The following DNAH14 variants were observed in gnomAD, a reference collection of about 807,000 sequenced individuals.
The protein encoded by DNAH14 is dynein axonemal heavy chain 14, also known as axonemal beta dynein heavy chain 14.
Under a neutral mutation model 520.9 loss-of-function variants are expected in DNAH14, and 478 were observed. The observed-to-expected ratio is 0.92, with a 90% CI of 0.85 to 0.99. The LOEUF (loss-of-function observed/expected upper bound fraction) is 0.99. Ranked by LOEUF, DNAH14 falls within the 50% of genes least tolerant of loss-of-function variation. DNAH14 has a pLI of 0.00. For synonymous variants in DNAH14, 1,581 were observed against 1,757.2 expected (o/e 0.90, Z 2.51); for missense variants, 4,831 against 5,234.5 (o/e 0.92, Z 2.38).
chr1:225,285,873 A>G (rs1410896137), intron 54 of DNAH14, among the ~76,000 whole-genome samples: 1 of 152,296 alleles, frequency 6.6e-6, no homozygotes, highest in South Asian at 2.1e-4. Context: ...ATAGAAATAA[A>G]TGAAGAAACA....
chr1:224,968,737 G>A, intron 6 of DNAH14, 22 bp from the exon 7 acceptor site: 3 of 1,292,594 alleles, frequency 2.3e-6, no homozygotes, highest in Admixed American at 3.4e-5. Flanking sequence ...ATAAAATAAT[G>A]CTTTTGTGCT....
chr1:225,390,323 T>C (rs1256587706), intron 83 of DNAH14, among the ~76,000 whole-genome samples: 1 of 152,014 alleles, frequency 6.6e-6, no homozygotes, highest in African/African-American at 2.4e-5. Context: ...AACATAAACG[T>C]CCAGCAGCGA....
At chr1:224,966,625 C>T (rs2061183848) in intron 5 of DNAH14, among the ~76,000 whole-genome samples, 1 of 152,112 alleles carries the variant, frequency 6.6e-6, no homozygotes, top group Non-Finnish European at 1.5e-5. Flanking sequence ...GGATTCACAT[C>T]CCTACGTCAC....
At chr1:225,290,115 G>C in intron 55 of DNAH14, 33 bp downstream of exon 55, 1 of 1,328,758 alleles carries the variant, frequency 7.5e-7, no homozygotes, top group Non-Finnish European at 9.7e-7. Context: ...ATTTGCTGAA[G>C]TTTGATATCT....
chr1:225,197,638 T>C (rs1398561618), intron 38 of DNAH14, among the ~76,000 whole-genome samples: 1 of 152,206 alleles, frequency 6.6e-6, no homozygotes, highest in African/African-American at 2.4e-5. Context: ...TTTGGCAGTA[T>C]GGTCATTTTT....
chr1:225,167,980 C>T lies in DNAH14; in HGVS notation c.5487C>T (p.Asn1829=), dbSNP rs1029113252. ...CAACTCAGCAATTGGGTTTACAAAA[C>T]TGGTCATCTCAGAAAGAGAAGATTA... ...YTATQQLGLQ[N]WSSQKEKIIQ... Residue 1829 remains asparagine, a synonymous_variant, in exon 36 of 86, where the codon AAC becomes AAT. Transcript: ENST00000682510. 9.1e-6 allele frequency: 14 copies of T among 1,538,402 alleles called. No homozygotes were observed. The highest frequency in any genetic ancestry group is 6.2e-5 in the Admixed American group (3 of 48,698).
At chr1:225,355,787 G>T (rs2095423040) in intron 73 of DNAH14, among the ~76,000 whole-genome samples, 1 of 152,162 alleles carries the variant, frequency 6.6e-6, no homozygotes, top group Admixed American at 6.6e-5. Flanking sequence ...TAAGCATGCA[G>T]TTCAGTGATA....
At chr1:224,939,458 C>G (rs2059261726) in intron 1 of DNAH14, among the ~76,000 whole-genome samples, 1 of 152,012 alleles carries the variant, frequency 6.6e-6, no homozygotes, top group African/African-American at 2.4e-5. Flanking sequence ...ATCACGAGGT[C>G]AGGAGATTGA....
At chr1:225,001,496 T>G (rs1458506238) in intron 8 of DNAH14, among the ~76,000 whole-genome samples, 1 of 152,168 alleles carries the variant, frequency 6.6e-6, no homozygotes, top group Non-Finnish European at 1.5e-5. Flanking sequence ...CTTATAATAC[T>G]TATGCTTGAA....
At chr1:225,257,403 A>G (rs1318306111) in intron 44 of DNAH14, among the ~76,000 whole-genome samples, 1 of 152,226 alleles carries the variant, frequency 6.6e-6, no homozygotes, top group African/African-American at 2.4e-5. Flanking sequence ...GAGTTTTCTC[A>G]GGAATAGGAA....
At chr1:225,062,760 T>G (rs2070346215) in intron 17 of DNAH14, among the ~76,000 whole-genome samples, 1 of 152,160 alleles carries the variant, frequency 6.6e-6, no homozygotes, top group South Asian at 2.1e-4. Context: ...ACCTTAGCAA[T>G]AGAGCTAACT....
At chr1:225,047,588 A>G (rs1004938154) in intron 15 of DNAH14, among the ~76,000 whole-genome samples, 1 of 152,200 alleles carries the variant, frequency 6.6e-6, no homozygotes, top group African/African-American at 2.4e-5. Context: ...AGTACAATCT[A>G]TGATAGTCAC....
At chr1:225,248,885 C>T (rs61849967) in intron 43 of DNAH14, among the ~76,000 whole-genome samples, 2,360 of 152,304 alleles carry the variant, frequency 0.015, 20 homozygotes, top group Non-Finnish European at 0.022. Flanking sequence ...ATCATGGTCC[C>T]TCTATTAGAG....
At chr1:225,107,313 G>A (rs549565838) in intron 23 of DNAH14, among the ~76,000 whole-genome samples, 76 of 152,248 alleles carry the variant, frequency 5.0e-4, no homozygotes, top group African/African-American at 1.7e-3. Context: ...CAGGCTACTC[G>A]GGGATCAGGG....
chr1:224,952,951 C>T, intron 2 of DNAH14, 172 bp downstream of exon 2: 1 of 436,054 alleles, frequency 2.3e-6, no homozygotes, highest in Non-Finnish European at 4.0e-6. Flanking sequence ...TCTGATAAGA[C>T]AGGCAAATTA....
intron 36 of DNAH14, among the ~76,000 whole-genome samples, chr1:225,172,167 A>G (rs1206125448): frequency 1.3e-5 from 2 of 152,166 alleles, no homozygotes; most frequent in Admixed American, 6.5e-5. Context: ...TACTGAATGG[A>G]CAAAACCTGG....
chr1:225,186,730 T>C (rs1242983531), intron 37 of DNAH14, among the ~76,000 whole-genome samples: 3 of 151,892 alleles, frequency 2.0e-5, no homozygotes, highest in Admixed American at 6.6e-5. Context: ...CATAATGTTA[T>C]ATGCTGAGAA....
chr1:225,188,377 A>C (rs1360145566), intron 37 of DNAH14, among the ~76,000 whole-genome samples: 1 of 151,944 alleles, frequency 6.6e-6, no homozygotes, highest in Non-Finnish European at 1.5e-5. Context: ...GTGGGAAACA[A>C]AGATTACATT....
At chr1:225,249,302 A>T (rs1430582668) in intron 43 of DNAH14, among the ~76,000 whole-genome samples, 4 of 152,226 alleles carry the variant, frequency 2.6e-5, no homozygotes, top group Non-Finnish European at 5.9e-5. Flanking sequence ...TTAAACAAAT[A>T]GTAATCCCAG....
Sources: gnomAD v4.1 joint callset for allele counts (sites outside exome capture counted in the v4.1 genomes callset) on GRCh38, gnomAD v4.1.1 for gene constraint, MANE v1.5 for transcripts, NCBI Gene and HGNC (gene_info 2026-07-23, HGNC 2026-07-21) for gene names.